Variants in CAPRIN1 observed in about 807,000 individuals in gnomAD.
The protein encoded by CAPRIN1 is caprin-1.
Under a neutral mutation model 100.9 loss-of-function variants are expected in CAPRIN1, and 29 were observed. That is an observed-to-expected ratio of 0.29 (90% CI 0.21 to 0.39). The LOEUF is 0.39. Ranked by LOEUF, CAPRIN1 falls within the 10% of genes least tolerant of loss-of-function variation. The pLI is 1.00. For missense variants in CAPRIN1, 795 were observed against 876.7 expected (o/e 0.91, Z 1.18); for synonymous variants, 338 against 307.5 (o/e 1.10, Z -1.04).
At chr11:34,099,080 T>C (rs1446055327) in intron 18 of CAPRIN1, 57 of 1,411,842 alleles carry the variant, frequency 4.0e-5, no homozygotes, top group Admixed American at 5.9e-5. Flanking sequence ...ACTGGTGGAA[T>C]ACTCCATTAG....
In CAPRIN1 at chr11:34,052,639, G is replaced by T. The variant is rs1487506289; in HGVS notation, c.216+3G>T. The T allele has an allele frequency of 1.2e-6, 2 of 1,603,266 alleles. No individual in the cohort carries two copies. Among genetic ancestry groups the T allele is most frequent in the African/African-American group, 2.7e-5 (2 of 74,744 alleles). ...TTCGGAACCTGGAGAAGAAAAAGGT[G>T]CCAGGAGTTGGCGGGGAAGGGAGGG... On this transcript the variant is annotated splice_donor_region_variant and intron_variant, in intron 2 of 18. Transcript: ENST00000341394.
intron 9 of CAPRIN1, among the ~76,000 whole-genome samples, chr11:34,085,820 A>C (rs934101238): frequency 6.6e-6 from 1 of 152,216 alleles, no homozygotes; most frequent in Non-Finnish European, 1.5e-5. Flanking sequence ...AAAAAAAATA[A>C]ATAAATAAGT....
chr11:34,083,122 TG>T (rs1734169492), intron 9 of CAPRIN1, 81 bp downstream of exon 9: 5 of 946,004 alleles, frequency 5.3e-6, no homozygotes, highest in Non-Finnish European at 6.8e-6. Context: ...AAATTAAGAT[TG>T]TTTTTTGCAT....
intron 2 of CAPRIN1, chr11:34,053,230 T>A: frequency 3.5e-6 from 3 of 859,896 alleles, no homozygotes; most frequent in Non-Finnish European, 4.2e-6. Context: ...GGGTCTTCGA[T>A]TTGCTACCCC....
In CAPRIN1 at chr11:34,100,946, C is replaced by T. The variant is rs1851445627; in HGVS notation, c.*1579C>T. ...TTAAATTTTATTTTCAGCATTTAGC[C>T]CAGGAATTCTTCCAGTAGGTGCTCA... On this transcript the variant is annotated 3_prime_UTR_variant, in exon 19 of 19. Transcript: ENST00000341394. The T allele has an allele frequency of 6.6e-6, 1 of 152,484 alleles. No homozygotes were observed. Among genetic ancestry groups the T allele is most frequent in the Admixed American group, 6.6e-5 (1 of 15,262 alleles). 9.4% of individuals were successfully genotyped at this position (152,484 alleles called of 1,614,324 possible).
chr11:34,055,858 A>G (rs1032108143), intron 2 of CAPRIN1: 3 of 152,208 alleles, frequency 2.0e-5, no homozygotes, highest in Non-Finnish European at 4.4e-5. Flanking sequence ...CTACATGTTA[A>G]GTAGTTAAGT....
chr11:34,055,211 T>C (rs554528217), intron 2 of CAPRIN1, among the ~76,000 whole-genome samples: 1 of 151,986 alleles, frequency 6.6e-6, no homozygotes, highest in Non-Finnish European at 1.5e-5. Context: ...GTGCCCAGGC[T>C]GGAGTGCGGT....
At chr11:34,066,985 A>C (rs940723035) in intron 2 of CAPRIN1, among the ~76,000 whole-genome samples, 5 of 148,386 alleles carry the variant, frequency 3.4e-5, no homozygotes, top group Non-Finnish European at 7.4e-5. Flanking sequence ...GCTGGAATGC[A>C]GTGACACAAT....
intron 13 of CAPRIN1, 100 bp from the exon 14 acceptor site, chr11:34,090,429 A>G (rs1590744745): frequency 2.1e-6 from 3 of 1,398,356 alleles, no homozygotes; most frequent in South Asian, 1.3e-5. Flanking sequence ...GTTAATACAT[A>G]TAAGTTTGAG....
In CAPRIN1 at chr11:34,052,451, G is replaced by A. The variant is rs1434687857; in HGVS notation, c.31G>A (p.Gly11Ser). MPSATSHSGS[G>S]SKSSGPPPPS... Reference sequence around the variant, plus strand: ...CTCGGCCACCAGCCACAGCGGGAGCGGCAGCAAGTCGTCCGGACCGCCACC... The same window carrying A: ...CTCGGCCACCAGCCACAGCGGGAGCAGCAGCAAGTCGTCCGGACCGCCACC... Residue 11 changes from glycine (G) to serine (S), a missense_variant, in exon 2 of 19, where the codon GGC becomes AGC. Around this residue, in one of 3 missense-constraint regions of CAPRIN1, gnomAD observed 109 missense variants for 86.6 expected, o/e 1.26. Coordinates refer to ENST00000341394, the MANE Select transcript of CAPRIN1 (RefSeq NM_005898.5). 11 of 1,606,854 alleles carry A rather than the reference G, an allele frequency of 6.8e-6. No individual in the cohort carries two copies. The highest frequency in any genetic ancestry group is 1.1e-5 in the South Asian group (1 of 90,818).
At chr11:34,072,457 A>G (rs1253084298) in intron 4 of CAPRIN1, among the ~76,000 whole-genome samples, 1 of 152,242 alleles carries the variant, frequency 6.6e-6, no homozygotes, top group Non-Finnish European at 1.5e-5. Flanking sequence ...TCAGATAGTC[A>G]TTAGAAATAC....
intron 14 of CAPRIN1, among the ~76,000 whole-genome samples, chr11:34,091,266 G>A (rs1248815713): frequency 6.6e-6 from 1 of 152,164 alleles, no homozygotes; most frequent in African/African-American, 2.4e-5. Context: ...TCTGTAAGTG[G>A]TACTGCATCC....
intron 2 of CAPRIN1, among the ~76,000 whole-genome samples, chr11:34,060,538 CTG>C (rs1850556767): frequency 6.6e-6 from 1 of 152,132 alleles, no homozygotes; most frequent in Non-Finnish European, 1.5e-5. Flanking sequence ...ATAGAAATAA[CTG>C]AAATATATTT....
In CAPRIN1 at chr11:34,071,722, A is replaced by G. The variant is rs191903758; in HGVS notation, c.217-4A>G. 4.0e-3 allele frequency: 6,462 copies of G among 1,605,760 alleles called. 33 individuals carry two copies. The highest frequency in any genetic ancestry group is 9.8e-3 in the Middle Eastern group (59 of 6,046). ...ATGTAATTCTTTTTTTTCTTTTAAC[A>G]TAGGGTAAGCTTGATGATTACCAGG... On this transcript the variant is annotated splice_polypyrimidine_tract_variant and splice_region_variant and intron_variant, in intron 2 of 18. Transcript: ENST00000341394.
chr11:34,093,625 G>A lies in CAPRIN1; in HGVS notation c.1705+1569G>A, dbSNP rs1284900288. On this transcript the variant is annotated intron_variant, in intron 15 of 18. Transcript: ENST00000341394. ...ATTCAGTATCACTAATATGAAGCTC[G>A]AATCTTCCATACTCTGATAGAAGTT... Among the ~76,000 whole-genome samples the A allele has an allele frequency of 2.0e-5, 3 of 152,106 alleles. No homozygotes were observed. In the East Asian group the frequency reaches 5.8e-4, roughly 29 times the overall value.
intron 11 of CAPRIN1, 152 bp from the exon 12 acceptor site, chr11:34,089,243 T>G (rs1238151792): frequency 3.2e-6 from 1 of 310,230 alleles, no homozygotes; most frequent in African/African-American, 3.8e-5. Flanking sequence ...TACTCCAGCC[T>G]GGGTGACAGA....
chr11:34,086,277 CTT>C (rs1565094625), intron 10 of CAPRIN1, 26 bp from the exon 11 acceptor site: 1 of 1,608,824 alleles, frequency 6.2e-7, no homozygotes, highest in Non-Finnish European at 8.5e-7. Flanking sequence ...TATTATTTGA[CTT>C]TATTCTATCC....
At chr11:34,090,404 G>T (rs1851239169) in intron 13 of CAPRIN1, 115 bp downstream of exon 13, 2 of 1,313,878 alleles carry the variant, frequency 1.5e-6, no homozygotes. Context: ...TTGCTTTCAT[G>T]AAATATTTGA....
At position 34,091,698 on chromosome 11, in the gene CAPRIN1, T is replaced by C. The variant is rs1156401100; in HGVS notation, c.1555-208T>C. ...CCTACTTCCATTTCACAGCATATTA[T>C]ACTCCCCTTTAAGTACTATATGGTA... On this transcript the variant is annotated intron_variant, in intron 14 of 18. Coordinates refer to ENST00000341394, the MANE Select transcript of CAPRIN1 (RefSeq NM_005898.5). 4 of 441,998 alleles carry C rather than the reference T, an allele frequency of 9.0e-6. No individual in the cohort carries two copies. In the Admixed American group the frequency reaches 1.3e-4, roughly 14 times the overall value. 27.4% of individuals were successfully genotyped at this position (441,998 alleles called of 1,614,324 possible).
Sources: gnomAD v4.1 joint callset for allele counts (sites outside exome capture counted in the v4.1 genomes callset) on GRCh38, gnomAD v4.1.1 for gene constraint, gnomAD v4.1.1 regional missense constraint, MANE v1.5 for transcripts, NCBI Gene and HGNC (gene_info 2026-07-23, HGNC 2026-07-21) for gene names.